The following ZNF831 variants were observed in gnomAD, a reference collection of about 807,000 sequenced individuals.
ZNF831 encodes zinc finger protein 831.
A neutral mutation model predicts 95.8 loss-of-function variants in ZNF831; 59 were observed. The observed-to-expected ratio is 0.62, with a 90% CI of 0.50 to 0.77. The LOEUF is 0.77. Among genes scored for constraint, ZNF831 ranks in the 30% least tolerant of loss-of-function variants. ZNF831 has a pLI of 0.00. For synonymous variants in ZNF831, 961 were observed against 925.5 expected (o/e 1.04, Z -0.70); for missense variants, 2,205 against 2,164.0 (o/e 1.02, Z -0.38).
intron 4 of ZNF831, among the ~76,000 whole-genome samples, chr20:59,223,152 A>G (rs1248429894): frequency 6.6e-6 from 1 of 152,098 alleles, no homozygotes; most frequent in African/African-American, 2.4e-5. Flanking sequence ...GAGGGGGGAC[A>G]TTATTTCAGT....
At chr20:59,127,668 G>T (rs1979218030) in intron 1 of ZNF831, among the ~76,000 whole-genome samples, 1 of 152,184 alleles carries the variant, frequency 6.6e-6, no homozygotes, top group Non-Finnish European at 1.5e-5. Context: ...TTGCCACCTT[G>T]CCTGTGAGAT....
At chr20:59,197,096 C>A (rs1984177105) in intron 3 of ZNF831, among the ~76,000 whole-genome samples, 1 of 152,092 alleles carries the variant, frequency 6.6e-6, no homozygotes. Context: ...AGTAATTTAT[C>A]CAAAGCCTGG....
At chr20:59,189,952 A>C (rs894427768) in intron 1 of ZNF831, among the ~76,000 whole-genome samples, 1 of 152,162 alleles carries the variant, frequency 6.6e-6, no homozygotes, top group Non-Finnish European at 1.5e-5. Flanking sequence ...TGGAAAAAGG[A>C]TCTGGGGACC....
At chr20:59,173,489 T>A (rs1981901565) in intron 1 of ZNF831, among the ~76,000 whole-genome samples, 1 of 152,206 alleles carries the variant, frequency 6.6e-6, no homozygotes, top group African/African-American at 2.4e-5. Context: ...GAAATCCATT[T>A]CATACCACAT....
At chr20:59,154,116 C>T (rs1308043430) in intron 2 of ZNF831, among the ~76,000 whole-genome samples, 1 of 152,190 alleles carries the variant, frequency 6.6e-6, no homozygotes, top group Non-Finnish European at 1.5e-5. Flanking sequence ...AAATCCACTA[C>T]AATGTGAGAC....
At chr20:59,246,803 T>C (rs1987630970) in intron 4 of ZNF831, among the ~76,000 whole-genome samples, 1 of 152,228 alleles carries the variant, frequency 6.6e-6, no homozygotes, top group Non-Finnish European at 1.5e-5. Flanking sequence ...TGCATTAGGA[T>C]AGTGCAGAAA....
At chr20:59,164,450 C>T (rs965401555) in intron 1 of ZNF831, among the ~76,000 whole-genome samples, 10 of 152,112 alleles carry the variant, frequency 6.6e-5, no homozygotes, top group Non-Finnish European at 1.3e-4. Flanking sequence ...AATCCATGTT[C>T]TACTAAACAG....
intron 1 of ZNF831, among the ~76,000 whole-genome samples, chr20:59,183,431 G>A (rs1382114752): frequency 3.3e-5 from 5 of 152,224 alleles, no homozygotes; most frequent in Admixed American, 2.6e-4. Flanking sequence ...TACCACTCAG[G>A]TGTGCGAGAG....
chr20:59,176,637 G>A (rs901317386), intron 1 of ZNF831, among the ~76,000 whole-genome samples: 5 of 152,238 alleles, frequency 3.3e-5, no homozygotes, highest in South Asian at 2.1e-4. Flanking sequence ...GCTTTAGTGC[G>A]TACATTATGT....
chr20:59,155,673 G>T (rs1377031096), intron 2 of ZNF831, among the ~76,000 whole-genome samples: 1 of 152,200 alleles, frequency 6.6e-6, no homozygotes. Flanking sequence ...TACCCTGAGT[G>T]TAGGAAGGAG....
At chr20:59,236,117 C>A (rs1986986002) in intron 4 of ZNF831, among the ~76,000 whole-genome samples, 1 of 152,184 alleles carries the variant, frequency 6.6e-6, no homozygotes, top group Admixed American at 6.5e-5. Context: ...TGTCTGACAT[C>A]CTCGTAAATT....
Position 59,191,511 on chromosome 20 carries a change from G to C in ZNF831, c.492G>C (p.Arg164=), listed in dbSNP as rs769998569. The C allele has an allele frequency of 3.3e-5, 54 of 1,613,128 alleles. No homozygotes were observed. The highest frequency in any genetic ancestry group is 4.3e-5 in the Non-Finnish European group (51 of 1,180,002). The change falls in exon 2 of 6, where the codon CGG becomes CGC. Residue 164 remains arginine, a synonymous_variant. Coordinates refer to ENST00000371030, the MANE Select transcript of ZNF831 (RefSeq NM_178457.3). ...CCAGTGTTCTAGAGAAGCACATCCG[G>C]TCCCACACGGGTGAGAGGCCCTTCC... The part of the protein sequence containing the change: ...LKPSVLEKHI[R]SHTGERPFPC...
rs1336768184 is a variant in ZNF831 at position 59,192,828 on chromosome 20, C to G, written c.1809C>G (p.Gly603=). 1.9e-6 allele frequency: 3 copies of G among 1,608,192 alleles called. No individual in the cohort carries two copies. The highest frequency in any genetic ancestry group is 1.7e-6 in the Non-Finnish European group (2 of 1,177,552). Residue 603 remains glycine (G), a synonymous_variant, in exon 2 of 6, where the codon GGC becomes GGG. Transcript: ENST00000371030. The surrounding 1 kb of genome is among the most constrained non-coding windows in gnomAD (Gnocchi z 5.2). ...REAMAGKGRA[G]GRKCGQRRLK... ...CCATGGCCGGCAAGGGCAGAGCGGG[C>G]GGCAGGAAGTGCGGCCAGAGAAGGC... is the stretch of plus-strand genomic sequence containing the variant.
At chr20:59,151,831 C>T (rs1048939156) in intron 2 of ZNF831, among the ~76,000 whole-genome samples, 6 of 152,176 alleles carry the variant, frequency 3.9e-5, no homozygotes, top group South Asian at 2.1e-4. Flanking sequence ...GCTGAACCTT[C>T]GGGAGACCCA....
intron 3 of ZNF831, among the ~76,000 whole-genome samples, chr20:59,202,684 G>A (rs1257011138): frequency 6.6e-6 from 1 of 152,112 alleles, no homozygotes; most frequent in Admixed American, 6.6e-5. Flanking sequence ...CAGGAAAGGA[G>A]GTTGGGTCTT....
In ZNF831 at chr20:59,193,310, C is replaced by T. The variant is rs779275926; in HGVS notation, c.2291C>T (p.Ala764Val). Residue 764 changes from alanine to valine, a missense_variant, in exon 2 of 6, where the codon GCA (alanine) becomes GTA (valine). Transcript: ENST00000371030. The stretch of plus-strand genomic sequence containing the variant: ...GAACTGGGGTGGCAGATGCCCCCAG[C>T]ACCTGGCCCCCTCAAAGGGGGTGAT... Reference protein sequence around the residue: ...RLELGWQMPPAPGPLKGGDVE... With the variant: ...RLELGWQMPPVPGPLKGGDVE... 6.2e-7 allele frequency: 1 copy of T among 1,612,148 alleles called. No individual in the cohort carries two copies. The highest frequency in any genetic ancestry group is 1.7e-5 in the Admixed American group (1 of 59,822).
At chr20:59,240,657 CCGGGCGTGGTGG>C (rs1333027847) in intron 4 of ZNF831, among the ~76,000 whole-genome samples, 98 of 152,110 alleles carry the variant, frequency 6.4e-4, no homozygotes, top group African/African-American at 2.3e-3. Context: ...AAAAAATTAG[CCGGGCGTGGTGG>C]CGGGCGCCTG....
rs900485106 is a variant in ZNF831, at chr20:59,208,751, A to G, written c.4027+1695A>G. On this transcript the variant is annotated intron_variant, in intron 4 of 5. Coordinates refer to ENST00000371030, the MANE Select transcript of ZNF831 (RefSeq NM_178457.3). The surrounding 1 kb of genome is among the most constrained non-coding windows in gnomAD (Gnocchi z 4.2). ...AGCTCCAGTTCTTGAATTTTCCTTT[A>G]TGGGGTAGAGCTTGGATGGAACCCC... 2.6e-5 allele frequency among the ~76,000 whole-genome samples: 4 copies of G among 151,952 alleles called. No homozygotes were observed. Among genetic ancestry groups the G allele is most frequent in the African/African-American group, 9.7e-5 (4 of 41,358 alleles).
At chr20:59,231,365 C>A (rs1205257777) in intron 4 of ZNF831, among the ~76,000 whole-genome samples, 5 of 152,180 alleles carry the variant, frequency 3.3e-5, no homozygotes, top group Non-Finnish European at 1.5e-5. Flanking sequence ...CTTAGAAAGA[C>A]TAATTTCAGT....
Sources: allele counts gnomAD v4.1 joint callset (sites outside exome capture counted in the v4.1 genomes callset), GRCh38; gene constraint gnomAD v4.1.1; non-coding constraint Gnocchi (gnomAD v3.1); transcripts MANE v1.5; gene names NCBI Gene and HGNC (gene_info 2026-07-23, HGNC 2026-07-21).